The following DAB1 variants were observed in gnomAD, a reference collection of about 807,000 sequenced individuals.
DAB1 encodes DAB adaptor protein 1.
In DAB1, 15 loss-of-function variants were observed where a neutral mutation model predicts 64.6. The observed-to-expected ratio is 0.23, with a 90% CI of 0.16 to 0.36. DAB1 has a LOEUF of 0.36. DAB1 is among the 10% of genes least tolerant of loss of function. The pLI is 1.00. For missense variants in DAB1, 596 were observed against 706.7 expected (o/e 0.84, Z 1.78); for synonymous variants, 235 against 251.9 (o/e 0.93, Z 0.64).
At chr1:57,210,296 C>T (rs1385154919) in intron 2 of DAB1, among the ~76,000 whole-genome samples, 1 of 152,020 alleles carries the variant, frequency 6.6e-6, no homozygotes, top group Non-Finnish European at 1.5e-5. Context: ...TAACCAAAAG[C>T]ACACTTGCAA....
At chr1:58,053,147 C>T (rs1286602921) in intron 5 of DAB1, among the ~76,000 whole-genome samples, 1 of 152,192 alleles carries the variant, frequency 6.6e-6, no homozygotes, top group Non-Finnish European at 1.5e-5. Flanking sequence ...TCTCCCATTA[C>T]CCAATTCTAA....
At chr1:57,925,742 AAC>A (rs1211216427) in intron 5 of DAB1, among the ~76,000 whole-genome samples, 1 of 152,198 alleles carries the variant, frequency 6.6e-6, no homozygotes, top group Non-Finnish European at 1.5e-5. Context: ...GGCTAGACTA[AAC>A]ACCCTTTCTC....
At chr1:58,116,896 G>A (rs943320982) in intron 5 of DAB1, among the ~76,000 whole-genome samples, 2 of 152,088 alleles carry the variant, frequency 1.3e-5, no homozygotes, top group Non-Finnish European at 2.9e-5. Flanking sequence ...GTTACACAAG[G>A]GATGGTTCTT....
intron 4 of DAB1, among the ~76,000 whole-genome samples, chr1:58,174,327 T>TGA (rs1218722376): frequency 2.0e-5 from 3 of 152,192 alleles, no homozygotes; most frequent in African/African-American, 7.2e-5. Flanking sequence ...CTTTGGGCCC[T>TGA]GTATTTTTAA....
chr1:58,254,270 C>T (rs1218301925), intron 4 of DAB1, among the ~76,000 whole-genome samples: 1 of 152,148 alleles, frequency 6.6e-6, no homozygotes, highest in East Asian at 1.9e-4. Flanking sequence ...TTGCTTTTCT[C>T]TCTTGCTGTT....
At chr1:57,276,095 A>C (rs2100609917) in intron 2 of DAB1, among the ~76,000 whole-genome samples, 1 of 152,382 alleles carries the variant, frequency 6.6e-6, no homozygotes, top group Non-Finnish European at 1.5e-5. Flanking sequence ...TTAGTGAAAA[A>C]GTAATACAGA....
At chr1:57,135,286 T>G (rs150843800) in intron 4 of DAB1, among the ~76,000 whole-genome samples, 2,225 of 152,304 alleles carry the variant, frequency 0.015, 50 homozygotes, top group African/African-American at 0.05. Context: ...CCTCTGGCAA[T>G]CACCATTCTA....
intron 7 of DAB1, among the ~76,000 whole-genome samples, chr1:57,554,848 A>C (rs1160281223): frequency 6.6e-6 from 1 of 152,176 alleles, no homozygotes; most frequent in Non-Finnish European, 1.5e-5. Flanking sequence ...TCTTTCAAAA[A>C]TGGAAAATAT....
At chr1:58,197,703 C>CTTTTTT (rs3053698) in intron 4 of DAB1, among the ~76,000 whole-genome samples, 1 of 139,962 alleles carries the variant, frequency 7.1e-6, no homozygotes, top group Non-Finnish European at 1.5e-5. Flanking sequence ...GAGAGTTACA[C>CTTTTTT]TTTTTTTTTT....
At chr1:57,804,667 G>C (rs1416036252) in intron 6 of DAB1, among the ~76,000 whole-genome samples, 1 of 152,164 alleles carries the variant, frequency 6.6e-6, no homozygotes, top group Non-Finnish European at 1.5e-5. Context: ...AGAAATGCGT[G>C]CATTTAATTG....
At position 58,393,634 on chromosome 1, in the gene DAB1, A is replaced by G. The variant is rs576122603; in HGVS notation, n.258-50231T>C. On this transcript the variant is annotated intron_variant and non_coding_transcript_variant, in intron 3 of 20. Coordinates refer to the DAB1 transcript ENST00000485760. ...AAGAACTTACTTTGAAAACACAAGA[A>G]GATACATATCACACTTATATGTGAA... 1.2e-4 allele frequency among the ~76,000 whole-genome samples: 19 copies of G among 152,328 alleles called. 1 individual carries two copies. The South Asian group carries it at 3.7e-3, about 30-fold the overall frequency.
chr1:57,426,230 G>A (rs761571085), upstream of DAB1, among the ~76,000 whole-genome samples: 1 of 152,130 alleles, frequency 6.6e-6, no homozygotes, highest in Non-Finnish European at 1.5e-5. Flanking sequence ...ACTTTGAAGA[G>A]AATTAATGAC....
chr1:57,170,166 T>C lies in DAB1; in HGVS notation c.68-24737A>G, dbSNP rs150634246. Among the ~76,000 whole-genome samples, 768 of 152,026 alleles carry C rather than the reference T, an allele frequency of 5.1e-3. 1 individual carries two copies. The highest frequency in any genetic ancestry group is 0.013 in the South Asian group (64 of 4,814). On this transcript the variant is annotated intron_variant, in intron 2 of 14. Transcript: ENST00000371236. ...TGCATGCCACCACACCTGGCTAATTTTTTCACATTTTTGGTAGAGACAAGA... is the reference window on the plus strand; with the variant it reads ...TGCATGCCACCACACCTGGCTAATTCTTTCACATTTTTGGTAGAGACAAGA...
At chr1:58,060,743 C>T (rs530165750) in intron 5 of DAB1, among the ~76,000 whole-genome samples, 103 of 152,364 alleles carry the variant, frequency 6.8e-4, no homozygotes, top group African/African-American at 2.5e-3. Context: ...TGCCAATTCT[C>T]GGCTTTCTGG....
intron 3 of DAB1, among the ~76,000 whole-genome samples, chr1:58,503,073 A>C (rs1241159765): frequency 1.3e-5 from 2 of 152,228 alleles, no homozygotes; most frequent in African/African-American, 4.8e-5. Flanking sequence ...GATGCTCAGT[A>C]ATTTGATGAT....
upstream of DAB1, among the ~76,000 whole-genome samples, chr1:57,426,874 A>ATATATATATT (rs57970737): frequency 7.5e-4 from 112 of 149,280 alleles, 1 homozygote; most frequent in African/African-American, 2.7e-3. Context: ...ATATATATAT[A>ATATATATATT]TTTTTTTGAG....
At chr1:58,496,892 A>G (rs1005710240) in intron 3 of DAB1, among the ~76,000 whole-genome samples, 3 of 152,176 alleles carry the variant, frequency 2.0e-5, no homozygotes, top group African/African-American at 7.2e-5. Flanking sequence ...GATTATTTGC[A>G]GGGTGGTGCT....
At chr1:57,937,121 A>T (rs542225337) in intron 5 of DAB1, among the ~76,000 whole-genome samples, 12 of 152,114 alleles carry the variant, frequency 7.9e-5, no homozygotes, top group Admixed American at 7.2e-4. Context: ...CCTGTGCTTT[A>T]AATTGGGTCT....
At chr1:58,240,596 T>C (rs1031991888) in intron 4 of DAB1, among the ~76,000 whole-genome samples, 3 of 152,242 alleles carry the variant, frequency 2.0e-5, no homozygotes, top group Non-Finnish European at 2.9e-5. Context: ...TATATCCTAA[T>C]TGCTTGAGAT....
Sources: allele counts gnomAD v4.1 joint callset (sites outside exome capture counted in the v4.1 genomes callset), GRCh38; gene constraint gnomAD v4.1.1; transcripts MANE v1.5; gene names NCBI Gene and HGNC (gene_info 2026-07-23, HGNC 2026-07-21).